The following TP73 variants were observed in gnomAD, a reference collection of about 807,000 sequenced individuals.
The protein encoded by TP73 is tumor protein p73.
In TP73, 25 loss-of-function variants were observed where a neutral mutation model predicts 62.5. That is an observed-to-expected ratio of 0.40 (90% confidence interval 0.29 to 0.56). TP73 has a LOEUF of 0.56. TP73 is among the 20% of genes least tolerant of loss of function. The probability of loss-of-function intolerance (pLI) is 0.46; values close to 1 mark genes in which losing one functional copy is unlikely to be tolerated. For missense variants in TP73, 754 were observed against 913.3 expected, an observed-to-expected ratio of 0.83 and a Z score of 2.25; for synonymous variants, 423 against 377.5, an observed-to-expected ratio of 1.12 and a Z score of -1.40.
At chr1:3,656,998 A>G (rs1021653333) in intron 1 of TP73, among the ~76,000 whole-genome samples, 11 of 152,258 alleles carry the variant, frequency 7.2e-5, no homozygotes, top group Non-Finnish European at 1.5e-5. Context: ...CTCCGTTGCA[A>G]TTATGGCGGT....
intron 4 of TP73, among the ~76,000 whole-genome samples, chr1:3,715,378 G>A (rs1304501351): frequency 1.3e-5 from 2 of 152,116 alleles, no homozygotes; most frequent in Non-Finnish European, 2.9e-5. Flanking sequence ...GGTGCTTAAG[G>A]CGGGTCTCTG....
rs1478577722 is a variant in TP73, at chr1:3,732,828, T to C, written c.1660T>C (p.Tyr554His). Reference protein sequence around the residue: ...GLQDLKQGHDYSTAQQLLRSS... With the variant: ...GLQDLKQGHDHSTAQQLLRSS... ...GCAGGACCTGAAGCAGGGCCACGAC[T>C]ACAGCACCGCGCAGCAGCTGCTCCG... The change falls in exon 14 of 14, where the codon TAC (tyrosine) becomes CAC (histidine). Residue 554 changes from tyrosine (Y) to histidine (H), a missense_variant. By Grantham distance (83) the Tyr-to-His change is moderately conservative (BLOSUM62 2). Transcript: ENST00000378295. 7 of 1,611,538 alleles carry C rather than the reference T, an allele frequency of 4.3e-6. No individual in the cohort carries two copies. Among genetic ancestry groups the C allele is most frequent in the Middle Eastern group, 3.3e-4 (2 of 6,080 alleles).
At position 3,695,730 on chromosome 1, in the gene TP73, G is replaced by A. The variant is rs3765733; in HGVS notation, c.187-11819G>A. ...GCACCTACTCTGTACGTGGGGCTACGGAACCAAGGGACGCAGCTGGCAGAC... is the reference window on the plus strand; with the variant it reads ...GCACCTACTCTGTACGTGGGGCTACAGAACCAAGGGACGCAGCTGGCAGAC... On this transcript the variant is annotated intron_variant, in intron 3 of 13. Transcript: ENST00000378295. 9.5e-3 allele frequency among the ~76,000 whole-genome samples: 1,441 copies of A among 152,372 alleles called. 15 individuals are homozygous for A. The highest frequency in any genetic ancestry group is 0.038 in the East Asian group (196 of 5,178).
chr1:3,714,615 A>C (rs1640439822), intron 4 of TP73, among the ~76,000 whole-genome samples: 2 of 152,258 alleles, frequency 1.3e-5, no homozygotes, highest in Non-Finnish European at 2.9e-5. Context: ...CAGAGGCCGG[A>C]GGAGAGGCCA....
chr1:3,704,232 A>T (rs1303299297), intron 3 of TP73, among the ~76,000 whole-genome samples: 1 of 152,208 alleles, frequency 6.6e-6, no homozygotes, highest in African/African-American at 2.4e-5. Context: ...AGCTGGCGGA[A>T]GTCATTTAAT....
In TP73 at chr1:3,711,127, TG is replaced by T. The variant is rs769460567; in HGVS notation, c.429+3337del. 1.1e-4 allele frequency among the ~76,000 whole-genome samples: 16 copies of T among 152,344 alleles called. 1 individual carries two copies. In the East Asian group the frequency reaches 1.2e-3, roughly 11 times the overall value. ...GCCCCTCTGCCCTGGCATCCTCACC[TG>T]CAAAGAGAGGTATGGCCTGCCAGCC... is the stretch of plus-strand genomic sequence containing the variant. On this transcript the variant is annotated intron_variant, in intron 4 of 13. Coordinates refer to ENST00000378295, the MANE Select transcript of TP73 (RefSeq NM_005427.4).
Position 3,699,907 on chromosome 1 carries a change from A to G in TP73, c.187-7642A>G, listed in dbSNP as rs1187307634. ...TAGGATCAGAGGAATCTCTGTTTCC[A>G]AGAGAAGGGGGACTGCATGGCCAGA... On this transcript the variant is annotated intron_variant, in intron 3 of 13. Transcript: ENST00000378295. This position sits in a 1 kb window ranked among gnomAD's most constrained non-coding sequence, Gnocchi z 4.1. 6.6e-6 allele frequency among the ~76,000 whole-genome samples: 1 copy of G among 152,018 alleles called. No individual in the cohort carries two copies. The highest frequency in any genetic ancestry group is 1.9e-4 in the East Asian group (1 of 5,156).
At chr1:3,690,915 G>T (rs371735938) in intron 3 of TP73, 1 of 1,580,772 alleles carries the variant, frequency 6.3e-7, no homozygotes, top group African/African-American at 1.3e-5. Context: ...CATGCTGTAC[G>T]TCGGTGACCC....
chr1:3,684,417 T>G (rs1238040699), intron 3 of TP73, among the ~76,000 whole-genome samples: 1 of 152,148 alleles, frequency 6.6e-6, no homozygotes, highest in African/African-American at 2.4e-5. Context: ...CTGGCCCTCC[T>G]CCTCCCTCAA....
intron 1 of TP73, among the ~76,000 whole-genome samples, chr1:3,667,489 G>A (rs899493640): frequency 3.3e-5 from 5 of 152,212 alleles, no homozygotes; most frequent in African/African-American, 9.6e-5. Context: ...GGTGGCTCAC[G>A]CTTGCAATCC....
At chr1:3,695,505 T>C (rs1457041744) in intron 3 of TP73, among the ~76,000 whole-genome samples, 2 of 152,184 alleles carry the variant, frequency 1.3e-5, no homozygotes, top group Non-Finnish European at 2.9e-5. Flanking sequence ...CATCCATGCG[T>C]TGCGGGAACG....
intron 4 of TP73, among the ~76,000 whole-genome samples, chr1:3,710,199 CG>C (rs1338221604): frequency 1.1e-4 from 1 of 9,124 alleles, no homozygotes; most frequent in Non-Finnish European, 1.8e-4. Context: ...GATGCTGGGG[CG>C]GGGGGAGGGT....
chr1:3,661,471 G>A (rs1056681156), intron 1 of TP73, among the ~76,000 whole-genome samples: 10 of 151,978 alleles, frequency 6.6e-5, no homozygotes, highest in Admixed American at 5.9e-4. Context: ...CACTTTGAGA[G>A]GCTGACATGA....
At chr1:3,722,669 GCGCCTCTC>G (rs1641164307) in intron 5 of TP73, among the ~76,000 whole-genome samples, 4 of 150,856 alleles carry the variant, frequency 2.7e-5, no homozygotes, top group African/African-American at 7.4e-5. Flanking sequence ...GCACAGCTGG[GCGCCTCTC>G]TGCACCTGGC....
chr1:3,678,599 T>A (rs1645429985), intron 1 of TP73, among the ~76,000 whole-genome samples: 1 of 152,228 alleles, frequency 6.6e-6, no homozygotes, highest in African/African-American at 2.4e-5. Flanking sequence ...GTGCTTTAAG[T>A]CTGGGCAGGT....
chr1:3,693,433 C>T (rs1638252407), intron 3 of TP73, among the ~76,000 whole-genome samples: 1 of 152,140 alleles, frequency 6.6e-6, no homozygotes, highest in African/African-American at 2.4e-5. Flanking sequence ...GTCTGAGCCC[C>T]CAGCTGGGCC....
At chr1:3,729,206 G>A (rs1469931861) in intron 9 of TP73, 121 bp from the exon 10 acceptor site, 2 of 1,369,532 alleles carry the variant, frequency 1.5e-6, no homozygotes, top group Non-Finnish European at 2.0e-6. Flanking sequence ...CCTCTGGGGT[G>A]CTGGGGAACC....
At position 3,701,675 on chromosome 1, in the gene TP73, T is replaced by A. The variant is rs960524197; in HGVS notation, c.187-5874T>A. 1.9e-4 allele frequency among the ~76,000 whole-genome samples: 29 copies of A among 152,008 alleles called. 2 individuals carry two copies. The highest frequency in any genetic ancestry group is 3.9e-4 in the Admixed American group (6 of 15,256). On this transcript the variant is annotated intron_variant, in intron 3 of 13. Transcript: ENST00000378295. This position sits in a 1 kb window ranked among gnomAD's most constrained non-coding sequence, Gnocchi z 4.7. ...GCCCACCACCACGCCCAGCTAATTT[T>A]TTTTTGTAGTTTTAGTAGAGACGGG...
intron 4 of TP73, among the ~76,000 whole-genome samples, chr1:3,711,412 C>A (rs573860080): frequency 4.1e-4 from 63 of 152,382 alleles, no homozygotes; most frequent in African/African-American, 1.4e-3. Flanking sequence ...GTGTGGACAG[C>A]TGGTTCCAGG....
Sources: gnomAD v4.1 joint callset for allele counts (sites outside exome capture counted in the v4.1 genomes callset) on GRCh38, gnomAD v4.1.1 for gene constraint, Gnocchi (gnomAD v3.1) non-coding constraint, MANE v1.5 for transcripts, NCBI Gene and HGNC (gene_info 2026-07-23, HGNC 2026-07-21) for gene names.